The following AASS variants were observed in gnomAD, a reference collection of about 807,000 sequenced individuals.
The protein encoded by AASS is aminoadipate-semialdehyde synthase.
Under a neutral mutation model 105.4 loss-of-function variants are expected in AASS, and 86 were observed. That is an observed-to-expected ratio of 0.82 (90% CI 0.69 to 0.98). AASS has a LOEUF of 0.98. Ranked by LOEUF, AASS falls within the 50% of genes least tolerant of loss-of-function variation. AASS has a pLI of 0.00. For synonymous variants in AASS, 381 were observed against 394.8 expected, an observed-to-expected ratio of 0.96 and a Z score of 0.41; for missense variants, 1,048 against 1,143.2, an observed-to-expected ratio of 0.92 and a Z score of 1.20.
At chr7:122,098,325 G>A in intron 15 of AASS, 125 bp downstream of exon 15, 1 of 992,392 alleles carries the variant, frequency 1.0e-6, no homozygotes, top group Non-Finnish European at 1.5e-6. Context: ...GCACCTTCTG[G>A]ACCCATACTT....
chr7:122,130,646 A>C (rs911141472), intron 2 of AASS, among the ~76,000 whole-genome samples: 4 of 152,026 alleles, frequency 2.6e-5, no homozygotes, highest in African/African-American at 9.6e-5. Flanking sequence ...TTTTAAATAA[A>C]GAGGTATAAC....
chr7:122,080,255 C>A (rs1253445348), intron 20 of AASS, among the ~76,000 whole-genome samples: 1 of 152,206 alleles, frequency 6.6e-6, no homozygotes, highest in East Asian at 1.9e-4. Context: ...AAAAGCTATG[C>A]TCTAGATCAG....
chr7:122,104,873 G>A (rs1235719797), intron 11 of AASS, among the ~76,000 whole-genome samples: 2 of 151,714 alleles, frequency 1.3e-5, no homozygotes, highest in Admixed American at 6.6e-5. Context: ...CCAAACCCCA[G>A]TGACATGCAA....
In AASS at chr7:122,073,831, A is replaced by C. The variant is rs1032628422; in HGVS notation, c.*2658T>G. ...CATTTCATATAAATGAAATCATATAATATGTGGCCTTTCATGTCTGGCATT... is the reference window on the plus strand; with the variant it reads ...CATTTCATATAAATGAAATCATATACTATGTGGCCTTTCATGTCTGGCATT... On this transcript the variant is annotated 3_prime_UTR_variant, in exon 24 of 24. Coordinates refer to ENST00000417368, the MANE Select transcript of AASS (RefSeq NM_005763.4). Among the ~76,000 whole-genome samples, 2 of 152,144 alleles carry C rather than the reference A, an allele frequency of 1.3e-5. No homozygotes were observed. The highest frequency in any genetic ancestry group is 4.8e-5 in the African/African-American group (2 of 41,432).
intron 3 of AASS, among the ~76,000 whole-genome samples, chr7:122,128,137 C>T (rs1293649547): frequency 6.6e-6 from 1 of 152,174 alleles, no homozygotes; most frequent in African/African-American, 2.4e-5. Context: ...ACCTCTAAAA[C>T]ATATCCAAGA....
At chr7:122,077,038 C>G (rs1793048877) in intron 23 of AASS, among the ~76,000 whole-genome samples, 1 of 152,168 alleles carries the variant, frequency 6.6e-6, no homozygotes, top group Admixed American at 6.5e-5. Flanking sequence ...GACTGAAACA[C>G]AGAACCTGGG....
intron 4 of AASS, among the ~76,000 whole-genome samples, chr7:122,120,400 T>C (rs1795388324): frequency 6.6e-6 from 1 of 152,114 alleles, no homozygotes; most frequent in Non-Finnish European, 1.5e-5. Flanking sequence ...TTAAAAGATA[T>C]AGTGATGGCC....
intron 18 of AASS, among the ~76,000 whole-genome samples, chr7:122,086,645 GC>G: frequency 1.3e-5 from 2 of 151,610 alleles, no homozygotes; most frequent in South Asian, 4.2e-4. Flanking sequence ...TAAGCTAAAA[GC>G]AACAGATAAT....
At chr7:122,131,156 G>T (rs1171144512) in intron 2 of AASS, among the ~76,000 whole-genome samples, 1 of 151,608 alleles carries the variant, frequency 6.6e-6, no homozygotes, top group Non-Finnish European at 1.5e-5. Context: ...ATTTGTAAAT[G>T]TTCTACTTTG....
rs1450148928 is a variant in AASS, at chr7:122,092,933, G to A, written c.1785C>T (p.Ile595=). The A allele has an allele frequency of 1.2e-6, 2 of 1,613,728 alleles. No homozygotes were observed. The highest frequency in any genetic ancestry group is 1.7e-6 in the Non-Finnish European group (2 of 1,179,872). ...ELEKSVEDAG[I]TIIGELGLDP... is the part of the protein sequence containing the mutation. The stretch of plus-strand genomic sequence containing the variant: ...CCAATCCCAATTCACCAATGATTGT[G>A]ATGCCAGCATCTTCCACACTGCAGC... Residue 595 remains isoleucine (I), a synonymous_variant, in exon 17 of 24, where the codon ATC becomes ATT. Transcript: ENST00000417368.
rs1193146692 is a variant in AASS at position 122,116,730 on chromosome 7, C to A, written c.797G>T (p.Ser266Ile). The A allele has an allele frequency of 1.2e-6, 2 of 1,613,970 alleles. No individual in the cohort carries two copies. Among genetic ancestry groups the A allele is most frequent in the Non-Finnish European group, 1.7e-6 (2 of 1,180,004 alleles). ...DLRKVYGTVL[S>I]RHHHLVRKTD... ...TTTCCTGACAAGATGATGATGACGA[C>A]TTAACACCGTCCCATACACTTTTCT... Residue 266 changes from serine (S) to isoleucine (I), a missense_variant, in exon 8 of 24, where the codon AGT becomes ATT. Transcript: ENST00000417368.
chr7:122,092,684 G>A (rs112626142), intron 17 of AASS, among the ~76,000 whole-genome samples, 159 bp downstream of exon 17: 2,747 of 151,384 alleles, frequency 0.018, 38 homozygotes, highest in African/African-American at 0.022. Context: ...AGATTGTGCC[G>A]TTGCACTCCA....
intron 17 of AASS, among the ~76,000 whole-genome samples, chr7:122,092,632 G>C (rs926127530): frequency 3.9e-5 from 6 of 151,998 alleles, no homozygotes; most frequent in Non-Finnish European, 7.4e-5. Context: ...GCTGAAGCAG[G>C]AGTATTACTT....
intron 18 of AASS, 79 bp downstream of exon 18, chr7:122,091,624 T>G (rs1793902230): frequency 6.2e-7 from 1 of 1,604,816 alleles, no homozygotes; most frequent in Non-Finnish European, 8.5e-7. Context: ...TATTAAAGGG[T>G]TTGGGATCAG....
chr7:122,089,784 C>G (rs771814043), intron 18 of AASS, among the ~76,000 whole-genome samples: 28 of 152,160 alleles, frequency 1.8e-4, no homozygotes, highest in Non-Finnish European at 3.4e-4. Context: ...GTTCCTTGCT[C>G]TTTCTTTTAC....
chr7:122,100,868 C>T (rs1794392195), intron 13 of AASS, among the ~76,000 whole-genome samples: 1 of 151,782 alleles, frequency 6.6e-6, no homozygotes. Context: ...AATAAGAATC[C>T]CTGGAGAAAA....
At chr7:122,081,027 G>A (rs1428760450) in intron 20 of AASS, among the ~76,000 whole-genome samples, 7 of 152,174 alleles carry the variant, frequency 4.6e-5, no homozygotes, top group Non-Finnish European at 8.8e-5. Flanking sequence ...TACAACAAGA[G>A]ATAGACGCAT....
At chr7:122,104,868 C>T (rs1280427374) in intron 11 of AASS, among the ~76,000 whole-genome samples, 1 of 152,014 alleles carries the variant, frequency 6.6e-6, no homozygotes, top group Non-Finnish European at 1.5e-5. Context: ...GTGCTCCAAA[C>T]CCCAGTGACA....
chr7:122,086,011 C>T lies in AASS; in HGVS notation c.2184+1G>A. On this transcript the variant is annotated splice_donor_variant, in intron 19 of 23. Coordinates refer to ENST00000417368, the MANE Select transcript of AASS (RefSeq NM_005763.4). LOFTEE classifies it high-confidence loss of function. ...GTTGAATCTAAAGTCCAGCTGCTTA[C>T]CTTATATCTCAGTGTCCCCCGCAAC... is the stretch of plus-strand genomic sequence containing the variant. The T allele has an allele frequency of 6.2e-7, 1 of 1,613,384 alleles. No homozygotes were observed. Among genetic ancestry groups the T allele is most frequent in the Non-Finnish European group, 8.5e-7 (1 of 1,179,560 alleles).
Sources: gnomAD v4.1 joint callset for allele counts (sites outside exome capture counted in the v4.1 genomes callset) on GRCh38, gnomAD v4.1.1 for gene constraint, MANE v1.5 for transcripts, NCBI Gene and HGNC (gene_info 2026-07-23, HGNC 2026-07-21) for gene names.